The following ANKS1B variants were observed in gnomAD, a reference collection of about 807,000 sequenced individuals.
ANKS1B encodes the protein ankyrin repeat and sterile alpha motif domain containing 1B, also known as ankyrin repeat and sterile alpha motif domain-containing protein 1B.
A neutral mutation model predicts 148.3 loss-of-function variants in ANKS1B; 36 were observed. That is an observed-to-expected ratio of 0.24 (90% CI 0.19 to 0.32). The LOEUF is 0.32. Among genes scored for constraint, ANKS1B ranks in the 10% least tolerant of loss-of-function variants. ANKS1B has a pLI of 1.00. For missense variants in ANKS1B, 1,157 were observed against 1,542.6 expected, an observed-to-expected ratio of 0.75 and a Z score of 4.19; for synonymous variants, 542 against 560.8, an observed-to-expected ratio of 0.97 and a Z score of 0.47.
intron 8 of ANKS1B, among the ~76,000 whole-genome samples, chr12:99,673,918 T>C (rs1387305942): frequency 2.0e-5 from 3 of 151,736 alleles, no homozygotes; most frequent in African/African-American, 2.4e-5. Context: ...GGGTAAAGTA[T>C]GGCAACTAGT....
At chr12:99,463,857 G>A (rs1184996142) in intron 10 of ANKS1B, among the ~76,000 whole-genome samples, 2 of 151,186 alleles carry the variant, frequency 1.3e-5, no homozygotes, top group Non-Finnish European at 2.9e-5. Context: ...CCACCTCTGG[G>A]GGCAGGGCAC....
intron 17 of ANKS1B, among the ~76,000 whole-genome samples, chr12:98,857,993 T>G (rs1303908459): frequency 6.6e-6 from 1 of 152,230 alleles, no homozygotes; most frequent in African/African-American, 2.4e-5. Context: ...GTTAAAATAT[T>G]TCATAGCTGG....
chr12:98,921,047 A>G (rs1221966824), intron 17 of ANKS1B, among the ~76,000 whole-genome samples: 1 of 152,220 alleles, frequency 6.6e-6, no homozygotes, highest in Non-Finnish European at 1.5e-5. Context: ...CAGGGAGAGA[A>G]AACATAATTA....
At chr12:99,886,352 C>A (rs947129865) in intron 1 of ANKS1B, among the ~76,000 whole-genome samples, 7 of 152,160 alleles carry the variant, frequency 4.6e-5, no homozygotes, top group African/African-American at 1.4e-4. Flanking sequence ...AGAATACAAG[C>A]AGTACAAAGT....
At chr12:99,046,761 T>C (rs2099962669) in intron 17 of ANKS1B, among the ~76,000 whole-genome samples, 1 of 147,718 alleles carries the variant, frequency 6.8e-6, no homozygotes, top group South Asian at 2.1e-4. Flanking sequence ...ATTGCAGAGA[T>C]TGTGCCACTG....
chr12:98,924,463 T>A (rs1379075429), intron 17 of ANKS1B, among the ~76,000 whole-genome samples: 1 of 152,196 alleles, frequency 6.6e-6, no homozygotes, highest in African/African-American at 2.4e-5. Flanking sequence ...AAATACATTC[T>A]AACTCTAAGT....
chr12:98,833,982 T>C (rs553945762), intron 17 of ANKS1B, among the ~76,000 whole-genome samples: 72 of 152,332 alleles, frequency 4.7e-4, no homozygotes, highest in African/African-American at 1.7e-3. Context: ...TATTTGCCTA[T>C]TTGTTGGTTA....
intron 9 of ANKS1B, among the ~76,000 whole-genome samples, chr12:99,591,602 G>A (rs11834661): frequency 0.013 from 1,999 of 151,916 alleles, 53 homozygotes; most frequent in African/African-American, 0.046. Context: ...GACCAGAAGC[G>A]GTCCCTGCCC....
chr12:98,887,355 G>T (rs1172948136), intron 17 of ANKS1B, among the ~76,000 whole-genome samples: 1 of 152,128 alleles, frequency 6.6e-6, no homozygotes, highest in Non-Finnish European at 1.5e-5. Flanking sequence ...CCTGGAAGGG[G>T]TCACAGCAGT....
chr12:99,751,821 A>C (rs1255165320), intron 8 of ANKS1B, among the ~76,000 whole-genome samples: 4 of 152,108 alleles, frequency 2.6e-5, no homozygotes, highest in Non-Finnish European at 4.4e-5. Context: ...TATATTATAA[A>C]AGGCACTGGG....
intron 1 of ANKS1B, among the ~76,000 whole-genome samples, chr12:99,961,760 A>G (rs2095415242): frequency 6.6e-6 from 1 of 152,200 alleles, no homozygotes; most frequent in South Asian, 2.1e-4. Context: ...CCAAGAGTCA[A>G]GAGTTTTGGA....
At chr12:99,743,443 T>C (rs2153583757) in intron 8 of ANKS1B, among the ~76,000 whole-genome samples, 1 of 152,328 alleles carries the variant, frequency 6.6e-6, no homozygotes. Flanking sequence ...AGTCTATTTC[T>C]AAAACCACAT....
At chr12:99,648,223 G>T in intron 9 of ANKS1B, 1 of 1,614,144 alleles carries the variant, frequency 6.2e-7, no homozygotes, top group Non-Finnish European at 8.5e-7. Context: ...AAGCAGCCCC[G>T]CAATGGGCAT....
intron 10 of ANKS1B, among the ~76,000 whole-genome samples, chr12:99,467,893 C>T (rs1198588603): frequency 6.6e-6 from 1 of 152,146 alleles, no homozygotes; most frequent in African/African-American, 2.4e-5. Context: ...AATGCCATCC[C>T]CATCAAGCTA....
At position 99,504,562 on chromosome 12, in the gene ANKS1B, T is replaced by G. The variant is rs778758286; in HGVS notation, c.1352A>C (p.Glu451Ala). Residue 451 changes from glutamate to alanine, a missense_variant, in exon 10 of 27, where the codon GAG (glutamate) becomes GCG (alanine). Coordinates refer to ENST00000683438, the MANE Select transcript of ANKS1B (RefSeq NM_001352186.2). ...GTCCATGAGATCACACAGAAAGTTC[T>G]CATTTTCTGAAGGAAATGTATCCAG... ...ASLDTFPSEN[E>A]NFLCDLMDTA... 6.2e-7 allele frequency: 1 copy of G among 1,612,758 alleles called. No homozygotes were observed. Among genetic ancestry groups the G allele is most frequent in the Admixed American group, 1.7e-5 (1 of 59,790 alleles).
At chr12:98,924,279 C>A (rs1373062200) in intron 17 of ANKS1B, among the ~76,000 whole-genome samples, 1 of 152,170 alleles carries the variant, frequency 6.6e-6, no homozygotes, top group African/African-American at 2.4e-5. Flanking sequence ...TGCACATTAC[C>A]AGAGAATAGA....
At chr12:99,380,339 C>T (rs889005969) in intron 12 of ANKS1B, among the ~76,000 whole-genome samples, 2 of 152,196 alleles carry the variant, frequency 1.3e-5, no homozygotes, top group African/African-American at 4.8e-5. Context: ...TGCAGGCTGA[C>T]ACCTACAAAA....
chr12:99,864,481 A>G (rs977370898), intron 1 of ANKS1B, among the ~76,000 whole-genome samples: 1 of 152,164 alleles, frequency 6.6e-6, no homozygotes, highest in Non-Finnish European at 1.5e-5. Flanking sequence ...GAGCTTGCAC[A>G]TCTTGTGTCT....
chr12:99,633,489 G>T (rs2098195737), intron 9 of ANKS1B, among the ~76,000 whole-genome samples: 1 of 152,112 alleles, frequency 6.6e-6, no homozygotes, highest in African/African-American at 2.4e-5. Flanking sequence ...ATTAATTCGA[G>T]ATGGATTAAA....
Sources: gnomAD v4.1 joint callset for allele counts (sites outside exome capture counted in the v4.1 genomes callset) on GRCh38, gnomAD v4.1.1 for gene constraint, MANE v1.5 for transcripts, NCBI Gene and HGNC (gene_info 2026-07-23, HGNC 2026-07-21) for gene names.